The following MRE11 variants were observed in gnomAD, a reference collection of about 807,000 sequenced individuals.
The protein encoded by MRE11 is MRE11 double strand break repair nuclease.
A neutral mutation model predicts 91.7 loss-of-function variants in MRE11; 62 were observed. The ratio of observed to expected loss-of-function variants is 0.68; its 90% CI spans 0.55 to 0.84. The LOEUF (loss-of-function observed/expected upper bound fraction) is 0.84, where lower values mean the gene tolerates loss of function less well. Among genes scored for constraint, MRE11 ranks in the 40% least tolerant of loss-of-function variants. MRE11 has a pLI of 0.00. For missense variants in MRE11, 796 were observed against 852.9 expected (o/e 0.93, Z 0.83); for synonymous variants, 273 against 271.4 (o/e 1.01, Z -0.06).
chr11:94,448,704 T>C (rs1053506472), intron 14 of MRE11, among the ~76,000 whole-genome samples: 3 of 151,986 alleles, frequency 2.0e-5, no homozygotes, highest in Non-Finnish European at 4.4e-5. Flanking sequence ...ACCAAGAACA[T>C]GCCACGCATT....
chr11:94,470,213 TTA>T (rs1181152939), intron 9 of MRE11, among the ~76,000 whole-genome samples: 2 of 152,052 alleles, frequency 1.3e-5, no homozygotes, highest in Non-Finnish European at 2.9e-5. Flanking sequence ...AGATTATGTA[TTA>T]TGTTTTTGAA....
intron 2 of MRE11, among the ~76,000 whole-genome samples, chr11:94,491,184 C>G (rs745766899): frequency 6.6e-6 from 1 of 152,128 alleles, no homozygotes; most frequent in Non-Finnish European, 1.5e-5. Context: ...GTACATAAAT[C>G]TTTACAAGGT....
At chr11:94,449,233 G>A (rs1416354400) in intron 14 of MRE11, among the ~76,000 whole-genome samples, 2 of 152,148 alleles carry the variant, frequency 1.3e-5, no homozygotes, top group Admixed American at 1.3e-4. Flanking sequence ...TCTCAGCTGA[G>A]GTGAAATCAC....
the MRE11 span, among the ~76,000 whole-genome samples, chr11:94,505,794 T>G: frequency 6.6e-6 from 1 of 152,348 alleles, no homozygotes; most frequent in South Asian, 2.1e-4. Flanking sequence ...GCTCCATTCA[T>G]GAAGTACACA....
chr11:94,460,087 T>C (rs957234093), intron 12 of MRE11, among the ~76,000 whole-genome samples: 1 of 151,926 alleles, frequency 6.6e-6, no homozygotes, highest in Non-Finnish European at 1.5e-5. Context: ...AGATACAACA[T>C]TGCAGGATTT....
rs779409748 is a variant in MRE11, at chr11:94,420,166, GATC to G, written c.2083_2085del (p.Asp695del). Reference sequence around the variant, plus strand: ...CTTAAAGAACTAGTGTTCATAAAAGGATCATCATCATCATCCTGAAATGAGATA... The same window carrying G: ...CTTAAAGAACTAGTGTTCATAAAAGGATCATCATCATCCTGAAATGAGATA... On this transcript the variant is annotated inframe_deletion, in exon 20 of 20. Transcript: ENST00000323929. The G allele has an allele frequency of 1.6e-5, 25 of 1,581,724 alleles. No individual in the cohort carries two copies. Among genetic ancestry groups the G allele is most frequent in the Middle Eastern group, 1.7e-4 (1 of 5,988 alleles).
chr11:94,434,192 T>G (rs1484998802), intron 18 of MRE11, among the ~76,000 whole-genome samples: 1 of 152,214 alleles, frequency 6.6e-6, no homozygotes, highest in African/African-American at 2.4e-5. Flanking sequence ...GAAACATTTA[T>G]CTTTCTATCC....
At chr11:94,450,545 A>G (rs2134931934) in intron 14 of MRE11, among the ~76,000 whole-genome samples, 1 of 152,314 alleles carries the variant, frequency 6.6e-6, no homozygotes, top group Non-Finnish European at 1.5e-5. Flanking sequence ...TAAATTTATC[A>G]CACTGTCTAA....
chr11:94,456,836 CAAG>C lies in MRE11; in HGVS notation c.1501-501_1501-499del, dbSNP rs144023419. On this transcript the variant is annotated intron_variant, in intron 13 of 19. Transcript: ENST00000323929. ...GGTTTGCTGAGCATGGTCCTGGTAT[CAAG>C]AAGGAGACTACAGGTTTCTTTTTTA... is the stretch of plus-strand genomic sequence containing the variant. Among the ~76,000 whole-genome samples the C allele has an allele frequency of 5.8e-3, 878 of 152,248 alleles. 5 individuals are homozygous for C. The highest frequency in any genetic ancestry group is 0.019 in the African/African-American group (794 of 41,534).
At chr11:94,497,724 T>A (rs1947435891), upstream of MRE11, 1 of 199,276 alleles carries the variant, frequency 5.0e-6, no homozygotes. Context: ...AGTTATGTTT[T>A]CTTCACAGAT....
upstream of MRE11, chr11:94,496,986 T>C: frequency 6.2e-7 from 1 of 1,608,246 alleles, no homozygotes; most frequent in Non-Finnish European, 8.5e-7. Flanking sequence ...AGTGTGACAG[T>C]AGGAAAAGCA....
At chr11:94,469,406 C>G (rs1261655720) in intron 9 of MRE11, among the ~76,000 whole-genome samples, 1 of 152,114 alleles carries the variant, frequency 6.6e-6, no homozygotes, top group African/African-American at 2.4e-5. Flanking sequence ...TACAAAATGT[C>G]AACTAAGCCA....
the MRE11 span, chr11:94,499,560 G>A: frequency 6.6e-6 from 1 of 152,006 alleles, no homozygotes; most frequent in African/African-American, 2.4e-5. Context: ...GAAAAATAAA[G>A]TACAAGTTTT....
intron 19 of MRE11, among the ~76,000 whole-genome samples, chr11:94,422,679 A>G (rs1472882698): frequency 1.3e-5 from 2 of 152,172 alleles, no homozygotes. Context: ...TTAACTCTTA[A>G]CATTAACTAT....
chr11:94,499,481 C>G, the MRE11 span: 1 of 151,614 alleles, frequency 6.6e-6, no homozygotes, highest in Non-Finnish European at 1.5e-5. Flanking sequence ...GCTAAAACCA[C>G]AAAGTGGCTC....
intron 19 of MRE11, among the ~76,000 whole-genome samples, chr11:94,422,175 G>A (rs1223031656): frequency 6.6e-6 from 1 of 152,142 alleles, no homozygotes; most frequent in African/African-American, 2.4e-5. Context: ...GAAAGGGGAA[G>A]GGCAGTATCC....
At chr11:94,466,573 A>G in intron 10 of MRE11, 1 of 487,498 alleles carries the variant, frequency 2.1e-6, no homozygotes, top group Non-Finnish European at 4.3e-6. Flanking sequence ...TTTTGCACCA[A>G]CCTAATACAA....
intron 4 of MRE11, 40 bp downstream of exon 4, chr11:94,485,884 A>T (rs902417858): frequency 6.3e-6 from 10 of 1,589,492 alleles, no homozygotes; most frequent in Non-Finnish European, 8.6e-6. Context: ...CAAATACCAT[A>T]CACAAGTAAT....
the MRE11 span, among the ~76,000 whole-genome samples, chr11:94,509,033 T>C: frequency 6.6e-6 from 1 of 152,214 alleles, no homozygotes; most frequent in Non-Finnish European, 1.5e-5. Flanking sequence ...GTGCTACATT[T>C]ACTTTCTAAT....
Sources: gnomAD v4.1 joint callset for allele counts (sites outside exome capture counted in the v4.1 genomes callset) on GRCh38, gnomAD v4.1.1 for gene constraint, MANE v1.5 for transcripts, NCBI Gene and HGNC (gene_info 2026-07-23, HGNC 2026-07-21) for gene names.